RFX7: variants seen among roughly 807,000 people sequenced by gnomAD.
The protein encoded by RFX7 is regulatory factor X7, also known as DNA-binding protein RFX7.
In RFX7, 26 loss-of-function variants were observed where a neutral mutation model predicts 111.8. That is an observed-to-expected ratio of 0.23 (90% CI 0.17 to 0.32). The LOEUF is 0.32. Ranked by LOEUF, RFX7 falls within the 10% of genes least tolerant of loss-of-function variation. RFX7 has a pLI of 1.00. For missense variants in RFX7, 1,573 were observed against 1,772.9 expected (o/e 0.89, Z 2.02); for synonymous variants, 624 against 624.4 (o/e 1.00, Z 0.01).
Position 56,225,002 on chromosome 15 carries a change from T to C in RFX7, c.161+18123A>G, listed in dbSNP as rs552916017. Among the ~76,000 whole-genome samples the C allele has an allele frequency of 5.3e-5, 8 of 152,272 alleles. 1 individual carries two copies. The South Asian group carries it at 1.4e-3, about 28-fold the overall frequency. ...TGATGCCTCCTTTATCACTGATTTGTATTAGTATTATAACAAAAATACTAC... is the reference window on the plus strand; with the variant it reads ...TGATGCCTCCTTTATCACTGATTTGCATTAGTATTATAACAAAAATACTAC... On this transcript the variant is annotated intron_variant, in intron 2 of 9. Transcript: ENST00000559447.
In RFX7 at chr15:56,217,345, G is replaced by A. The variant is rs997556967; in HGVS notation, c.161+25780C>T. 4.6e-5 allele frequency among the ~76,000 whole-genome samples: 7 copies of A among 151,694 alleles called. No homozygotes were observed. In the East Asian group the frequency reaches 1.2e-3, roughly 25 times the overall value. On this transcript the variant is annotated intron_variant, in intron 2 of 9. Coordinates refer to ENST00000559447, the MANE Select transcript of RFX7 (RefSeq NM_022841.7). ...TTCGCATTTTCCCTAATTATCTCAA[G>A]AATGTCTAACAGAGCTTTCACCCCT...
intron 3 of RFX7, among the ~76,000 whole-genome samples, chr15:56,145,059 T>C (rs1289641048): frequency 3.9e-4 from 59 of 152,232 alleles, no homozygotes; most frequent in Non-Finnish European, 2.9e-5. Flanking sequence ...GATGTAATTA[T>C]TTGTTGGCTT....
intron 5 of RFX7, among the ~76,000 whole-genome samples, chr15:56,140,878 A>G (rs2042382919): frequency 6.6e-6 from 1 of 152,222 alleles, no homozygotes; most frequent in South Asian, 2.1e-4. Context: ...AACTTTTAGG[A>G]ATATAAGGAC....
At chr15:56,159,204 T>C (rs756649677) in intron 3 of RFX7, among the ~76,000 whole-genome samples, 32 of 152,236 alleles carry the variant, frequency 2.1e-4, no homozygotes, top group Non-Finnish European at 4.3e-4. Flanking sequence ...TACTACTTCA[T>C]TGTGTATGTA....
rs2041576570 is a variant in RFX7 at position 56,090,009 on chromosome 15, A to G, written c.*3336T>C. On this transcript the variant is annotated 3_prime_UTR_variant, in exon 10 of 10. Transcript: ENST00000559447. ...TTTCAAGAGTGAGGAAACTCCATTC[A>G]AGACCCTGGTTTCATTACTTTGCAG... The G allele has an allele frequency of 6.6e-6, 1 of 152,144 alleles. No homozygotes were observed. Among genetic ancestry groups the G allele is most frequent in the Admixed American group, 6.6e-5 (1 of 15,246 alleles). The allele number at this position is 152,144 out of a possible 1,614,324, so 9.4% of individuals were successfully genotyped here. A position where few individuals can be genotyped will look rare whatever the true frequency, so the allele number is the denominator to read the frequency against.
intron 3 of RFX7, among the ~76,000 whole-genome samples, chr15:56,152,034 C>G (rs369350140): frequency 6.6e-6 from 1 of 152,322 alleles, no homozygotes; most frequent in African/African-American, 2.4e-5. Context: ...GCAGCCAATA[C>G]AGGAGCACCC....
Position 56,200,513 on chromosome 15 carries a change from G to A in RFX7, c.162-21210C>T, listed in dbSNP as rs186754082. 1.2e-4 allele frequency among the ~76,000 whole-genome samples: 19 copies of A among 152,076 alleles called. No individual in the cohort carries two copies. The East Asian group carries it at 3.5e-3, about 28-fold the overall frequency. On this transcript the variant is annotated intron_variant, in intron 2 of 9. Transcript: ENST00000559447. ...CAAACCATGCAGCTTAGTATCTAAT[G>A]TTACATTAAGAAAAAGTCGTAAAAG...
intron 2 of RFX7, among the ~76,000 whole-genome samples, chr15:56,230,132 C>T (rs1446968226): frequency 6.6e-6 from 1 of 152,172 alleles, no homozygotes; most frequent in Non-Finnish European, 1.5e-5. Context: ...ATCTCCAATT[C>T]AATGTTAAGG....
At chr15:56,209,639 A>G (rs1157244019) in intron 2 of RFX7, among the ~76,000 whole-genome samples, 2 of 152,060 alleles carry the variant, frequency 1.3e-5, no homozygotes, top group African/African-American at 4.8e-5. Flanking sequence ...TTCTATATAA[A>G]CAAAATTAAT....
At position 56,092,235 on chromosome 15, in the gene RFX7, T is replaced by G. The variant is rs989717694; in HGVS notation, c.*1110A>C. Reference sequence around the variant, plus strand: ...GATATCCCCTTTGTTTCATCAGAGATATAAAGATTTGTGGCTTCAGACCTT... The same window carrying G: ...GATATCCCCTTTGTTTCATCAGAGAGATAAAGATTTGTGGCTTCAGACCTT... On this transcript the variant is annotated 3_prime_UTR_variant, in exon 10 of 10. Transcript: ENST00000559447. 6.6e-6 allele frequency: 1 copy of G among 152,592 alleles called. No individual in the cohort carries two copies. The highest frequency in any genetic ancestry group is 1.5e-5 in the Non-Finnish European group (1 of 67,992). 9.5% of individuals were successfully genotyped at this position (152,592 alleles called of 1,614,324 possible).
At chr15:56,187,885 T>C (rs1333653003) in intron 2 of RFX7, among the ~76,000 whole-genome samples, 3 of 152,108 alleles carry the variant, frequency 2.0e-5, no homozygotes, top group Admixed American at 1.3e-4. Context: ...GTCTATAACA[T>C]ATCACTGATA....
chr15:56,168,176 A>G (rs2042804676), intron 3 of RFX7, among the ~76,000 whole-genome samples: 1 of 152,146 alleles, frequency 6.6e-6, no homozygotes, highest in African/African-American at 2.4e-5. Context: ...TCATCTGCAA[A>G]ATGACAATGA....
chr15:56,087,563 A>C lies in RFX7; in HGVS notation c.*5782T>G, dbSNP rs371697948. On this transcript the variant is annotated 3_prime_UTR_variant, in exon 10 of 10. Transcript: ENST00000559447. ...GGTTACATCTCTTTGAGTACTTGGT[A>C]AGTGTCTCCACTTAACTGCAAGGGA... 6 of 456,564 alleles carry C rather than the reference A, an allele frequency of 1.3e-5. No homozygotes were observed. The highest frequency in any genetic ancestry group is 6.9e-5 in the East Asian group (1 of 14,396). 28.3% of individuals were successfully genotyped at this position (456,564 alleles called of 1,614,324 possible). A position where few individuals can be genotyped will look rare whatever the true frequency, so the allele number is the denominator to read the frequency against.
intron 2 of RFX7, among the ~76,000 whole-genome samples, chr15:56,236,268 G>T (rs1178268022): frequency 6.6e-6 from 1 of 152,128 alleles, no homozygotes; most frequent in Non-Finnish European, 1.5e-5. Context: ...CATGTTTTAA[G>T]GTATTTATTT....
intron 2 of RFX7, among the ~76,000 whole-genome samples, chr15:56,220,270 G>T (rs1220128184): frequency 6.6e-6 from 1 of 151,884 alleles, no homozygotes; most frequent in East Asian, 1.9e-4. Flanking sequence ...TGCTCTTGTT[G>T]CCCAGGCTGA....
intron 3 of RFX7, among the ~76,000 whole-genome samples, chr15:56,166,556 A>G (rs1260700432): frequency 6.6e-6 from 1 of 152,164 alleles, no homozygotes; most frequent in African/African-American, 2.4e-5. Context: ...AACTTGCCCT[A>G]TAGACCTTAC....
chr15:56,224,388 A>C (rs2043458452), intron 2 of RFX7, among the ~76,000 whole-genome samples: 1 of 152,032 alleles, frequency 6.6e-6, no homozygotes, highest in Admixed American at 6.6e-5. Flanking sequence ...TGAAAACTGT[A>C]TCATCACTCC....
At chr15:56,234,595 T>C (rs2043602603) in intron 2 of RFX7, among the ~76,000 whole-genome samples, 1 of 152,226 alleles carries the variant, frequency 6.6e-6, no homozygotes, top group African/African-American at 2.4e-5. Flanking sequence ...TAAAGCATCT[T>C]GTTGGAATAC....
At position 56,090,659 on chromosome 15, in the gene RFX7, C is replaced by T. The variant is rs902054265; in HGVS notation, c.*2686G>A. On this transcript the variant is annotated 3_prime_UTR_variant, in exon 10 of 10. Transcript: ENST00000559447. ...TCAACTACTGTAGTTTCAGCAGGTA[C>T]AACAGACAACAAAACACTGGGGAAA... 2 of 152,492 alleles carry T rather than the reference C, an allele frequency of 1.3e-5. No individual in the cohort carries two copies. Among genetic ancestry groups the T allele is most frequent in the African/African-American group, 4.8e-5 (2 of 41,414 alleles). 9.4% of individuals were successfully genotyped at this position (152,492 alleles called of 1,614,324 possible).
Sources: allele counts gnomAD v4.1 joint callset (sites outside exome capture counted in the v4.1 genomes callset), GRCh38; gene constraint gnomAD v4.1.1; transcripts MANE v1.5; gene names NCBI Gene and HGNC (gene_info 2026-07-23, HGNC 2026-07-21).